Variants in AVL9 observed in about 807,000 individuals in gnomAD.
The protein encoded by AVL9 is AVL9 cell migration associated.
AVL9 carries 49 observed loss-of-function variants against 79.2 expected under a neutral mutation model. That is an observed-to-expected ratio of 0.62 (90% CI 0.49 to 0.79). AVL9 has a LOEUF of 0.79. Among genes scored for constraint, AVL9 ranks in the 30% least tolerant of loss-of-function variants. The probability of loss-of-function intolerance (pLI) is 0.00; values close to 1 mark genes in which losing one functional copy is unlikely to be tolerated. For missense variants in AVL9, 682 were observed against 776.8 expected, an observed-to-expected ratio of 0.88 and a Z score of 1.45; for synonymous variants, 299 against 280.6, an observed-to-expected ratio of 1.07 and a Z score of -0.65.
intron 1 of AVL9, chr7:32,537,482 T>TA (rs1406383346): frequency 1.7e-5 from 2 of 119,912 alleles, no homozygotes; most frequent in African/African-American, 3.6e-5. Flanking sequence ...TTTTTTTTTT[T>TA]TAGACAGAGT....
chr7:32,503,028 A>G (rs1185612306), intron 1 of AVL9, among the ~76,000 whole-genome samples: 1 of 152,092 alleles, frequency 6.6e-6, no homozygotes, highest in Non-Finnish European at 1.5e-5. Context: ...TTGAAAGGAA[A>G]CCTAAAGCCT....
intron 3 of AVL9, among the ~76,000 whole-genome samples, chr7:32,548,144 C>CTCTTTTTTTTTT (rs1227025763): frequency 6.9e-5 from 4 of 57,580 alleles, no homozygotes; most frequent in African/African-American, 2.2e-4. Flanking sequence ...TTTGTCATCT[C>CTCTTTTTTTTTT]TTTTTTCTTT....
At chr7:32,571,387 G>A (rs935228991) in intron 11 of AVL9, among the ~76,000 whole-genome samples, 49 of 151,602 alleles carry the variant, frequency 3.2e-4, no homozygotes, top group African/African-American at 1.1e-3. Flanking sequence ...AATTAGCTGG[G>A]CATGGTGGCA....
In AVL9 at chr7:32,518,966, A is replaced by G. The variant is rs372250313; in HGVS notation, c.93+23164A>G. ...ATCTGTTTCTTTTTGAAACTACTCA[A>G]ATATCTCAAGCTTAATAATCTATAG... On this transcript the variant is annotated intron_variant, in intron 1 of 15. Coordinates refer to ENST00000318709, the MANE Select transcript of AVL9 (RefSeq NM_015060.3). 1.1e-4 allele frequency among the ~76,000 whole-genome samples: 16 copies of G among 152,320 alleles called. No individual in the cohort carries two copies. In the East Asian group the frequency reaches 2.9e-3, roughly 27 times the overall value.
intron 13 of AVL9, among the ~76,000 whole-genome samples, chr7:32,579,466 A>AT (rs1562801764): frequency 0.29 from 972 of 3,380 alleles, 404 homozygotes; most frequent in East Asian, 0.43. Context: ...TATTATATAT[A>AT]ATATATTATA....
intron 1 of AVL9, among the ~76,000 whole-genome samples, chr7:32,517,812 T>G (rs1189718844): frequency 2.1e-4 from 9 of 43,358 alleles, no homozygotes; most frequent in South Asian, 1.5e-3. Context: ...TGCTTGTGTG[T>G]TTTTTTTTTG....
chr7:32,575,485 A>G (rs967589394), intron 12 of AVL9, among the ~76,000 whole-genome samples: 5 of 151,848 alleles, frequency 3.3e-5, no homozygotes, highest in African/African-American at 1.2e-4. Context: ...ATCATGACTG[A>G]AAGAACCAAT....
rs542350502 is a variant in AVL9, at chr7:32,510,616, A to G, written c.93+14814A>G. The stretch of plus-strand genomic sequence containing the variant: ...GGTTGTAGGAGTCCACAGTCCTGGC[A>G]CTTCTGAACTGCCCCATTATGAGGG... On this transcript the variant is annotated intron_variant, in intron 1 of 15. Transcript: ENST00000318709. 2.2e-5 allele frequency among the ~76,000 whole-genome samples: 3 copies of G among 139,144 alleles called. No individual in the cohort carries two copies. In the South Asian group the frequency reaches 7.0e-4, roughly 32 times the overall value. 91.3% of individuals were successfully genotyped at this position (139,144 alleles called of 152,430 possible).
At chr7:32,574,115 A>G (rs1469603909) in intron 12 of AVL9, among the ~76,000 whole-genome samples, 1 of 152,170 alleles carries the variant, frequency 6.6e-6, no homozygotes, top group Non-Finnish European at 1.5e-5. Flanking sequence ...CAGTTAACTA[A>G]CCATTATTTT....
intron 3 of AVL9, among the ~76,000 whole-genome samples, chr7:32,546,146 G>A (rs1789492753): frequency 6.8e-6 from 1 of 146,460 alleles, no homozygotes; most frequent in Non-Finnish European, 1.5e-5. Context: ...TTTGAGCCTG[G>A]ACAATTAAAA....
At chr7:32,557,853 C>CTTTTTTTTT (rs3079799) in intron 8 of AVL9, among the ~76,000 whole-genome samples, 4 of 73,268 alleles carry the variant, frequency 5.5e-5, no homozygotes, top group Non-Finnish European at 5.5e-5. Context: ...AGCTGTTACT[C>CTTTTTTTTT]TTTTTTTTTT....
chr7:32,558,492 TTTATTTGTTATCA>T, intron 8 of AVL9, 54 bp from the exon 9 acceptor site: 1 of 1,255,084 alleles, frequency 8.0e-7, no homozygotes, highest in Non-Finnish European at 1.1e-6. Context: ...TTCCCTCTTT[TTTATTTGTTATCA>T]TTATGGACGG....
chr7:32,540,646 C>T (rs906431316), intron 1 of AVL9, among the ~76,000 whole-genome samples: 2 of 152,054 alleles, frequency 1.3e-5, no homozygotes, highest in African/African-American at 4.8e-5. Context: ...CTTAAAGCCA[C>T]CTCAGTCTAA....
intron 8 of AVL9, among the ~76,000 whole-genome samples, chr7:32,557,498 TAATC>T (rs1242503475): frequency 6.6e-6 from 1 of 152,250 alleles, no homozygotes; most frequent in Non-Finnish European, 1.5e-5. Flanking sequence ...ATTTTAAAAA[TAATC>T]AAGACTAGTG....
intron 1 of AVL9, among the ~76,000 whole-genome samples, chr7:32,540,349 T>C (rs143672407): frequency 1.3e-5 from 2 of 152,328 alleles, no homozygotes; most frequent in East Asian, 3.9e-4. Context: ...ATTAAGATTT[T>C]AAGAAGTGTA....
At chr7:32,525,494 C>T (rs1223474051) in intron 1 of AVL9, among the ~76,000 whole-genome samples, 1 of 152,138 alleles carries the variant, frequency 6.6e-6, no homozygotes, top group Non-Finnish European at 1.5e-5. Flanking sequence ...GGTCTTACTA[C>T]AATTTCTCTT....
At chr7:32,523,514 T>A (rs1788263108) in intron 1 of AVL9, among the ~76,000 whole-genome samples, 1 of 100,996 alleles carries the variant, frequency 9.9e-6, no homozygotes, top group Admixed American at 9.3e-5. Flanking sequence ...TTTCCTTTTT[T>A]TTTTTTTTTT....
At chr7:32,578,203 A>G (rs1408884679) in intron 13 of AVL9, among the ~76,000 whole-genome samples, 1 of 152,162 alleles carries the variant, frequency 6.6e-6, no homozygotes, top group East Asian at 1.9e-4. Context: ...TTATAGAGAT[A>G]AAACTTCACA....
At chr7:32,543,476 C>T (rs967483220) in intron 2 of AVL9, among the ~76,000 whole-genome samples, 1 of 152,226 alleles carries the variant, frequency 6.6e-6, no homozygotes, top group Non-Finnish European at 1.5e-5. Context: ...ACCTTGGCCA[C>T]GCTTCTGCCA....
Sources: allele counts gnomAD v4.1 joint callset (sites outside exome capture counted in the v4.1 genomes callset), GRCh38; gene constraint gnomAD v4.1.1; transcripts MANE v1.5; gene names NCBI Gene and HGNC (gene_info 2026-07-23, HGNC 2026-07-21).